CCBE1: variants seen among roughly 807,000 people sequenced by gnomAD.
The protein encoded by CCBE1 is collagen and calcium binding EGF domains 1.
A neutral mutation model predicts 50.0 loss-of-function variants in CCBE1; 37 were observed. The ratio of observed to expected loss-of-function variants is 0.74; its 90% CI spans 0.57 to 0.97. CCBE1 has a LOEUF of 0.97. Among genes scored for constraint, CCBE1 ranks in the 50% least tolerant of loss-of-function variants. The pLI, the probability that CCBE1 is intolerant of heterozygous loss-of-function variation, is 0.00. For missense variants in CCBE1, 538 were observed against 523.8 expected, an observed-to-expected ratio of 1.03 and a Z score of -0.26; for synonymous variants, 234 against 203.7, an observed-to-expected ratio of 1.15 and a Z score of -1.27.
intron 2 of CCBE1, among the ~76,000 whole-genome samples, chr18:59,507,910 G>C (rs1479401617): frequency 1.1e-5 from 1 of 92,580 alleles, no homozygotes; most frequent in Non-Finnish European, 2.3e-5. Flanking sequence ...TTTTTTTTTT[G>C]AGATGGCATC....
intron 2 of CCBE1, among the ~76,000 whole-genome samples, chr18:59,653,557 G>A (rs2054152686): frequency 6.6e-6 from 1 of 152,146 alleles, no homozygotes; most frequent in Non-Finnish European, 1.5e-5. Flanking sequence ...AACCCTATGA[G>A]ATTAGTGCCA....
At chr18:59,450,435 C>T (rs1012017077) in intron 6 of CCBE1, among the ~76,000 whole-genome samples, 10 of 152,140 alleles carry the variant, frequency 6.6e-5, no homozygotes, top group African/African-American at 2.2e-4. Flanking sequence ...TACCGAGAGT[C>T]ACACAGCCAG....
intron 2 of CCBE1, among the ~76,000 whole-genome samples, chr18:59,593,163 T>C (rs1317684459): frequency 6.6e-6 from 1 of 152,200 alleles, no homozygotes; most frequent in African/African-American, 2.4e-5. Flanking sequence ...ATGTGACTTA[T>C]ACTAAGTGGC....
intron 2 of CCBE1, among the ~76,000 whole-genome samples, chr18:59,578,976 A>AG (rs1218497785): frequency 1.3e-5 from 2 of 152,224 alleles, no homozygotes; most frequent in Non-Finnish European, 2.9e-5. Context: ...ACTTTTTATC[A>AG]GAAAAAAAAT....
intron 2 of CCBE1, among the ~76,000 whole-genome samples, chr18:59,510,713 C>A (rs1485719332): frequency 6.6e-6 from 1 of 152,242 alleles, no homozygotes; most frequent in Non-Finnish European, 1.5e-5. Flanking sequence ...GGAGCCACCA[C>A]ACCCGGCCAG....
chr18:59,668,446 G>A (rs548175819), intron 2 of CCBE1, among the ~76,000 whole-genome samples: 1 of 140,290 alleles, frequency 7.1e-6, no homozygotes, highest in Admixed American at 6.9e-5. Flanking sequence ...TAATAATTAG[G>A]TGTTACATAT....
chr18:59,511,868 G>A (rs1448411974), intron 2 of CCBE1, among the ~76,000 whole-genome samples: 1 of 152,192 alleles, frequency 6.6e-6, no homozygotes, highest in Non-Finnish European at 1.5e-5. Flanking sequence ...ATCAAAAAGA[G>A]GCAAAATGGA....
chr18:59,591,230 A>G, intron 2 of CCBE1, among the ~76,000 whole-genome samples: 1 of 130,684 alleles, frequency 7.7e-6, no homozygotes, highest in South Asian at 3.0e-4. Context: ...TGGGCCACAG[A>G]GCGAGACTCC....
chr18:59,461,777 A>T (rs1471874093), intron 5 of CCBE1, among the ~76,000 whole-genome samples: 1 of 119,452 alleles, frequency 8.4e-6, no homozygotes, highest in Non-Finnish European at 1.6e-5. Context: ...CTTGTTGCCC[A>T]AGCCAAGTGC....
At chr18:59,648,314 T>G (rs185213373) in intron 2 of CCBE1, among the ~76,000 whole-genome samples, 8 of 152,310 alleles carry the variant, frequency 5.3e-5, no homozygotes, top group Non-Finnish European at 7.4e-5. Context: ...AAGACCTGGA[T>G]ACATAAATGC....
intron 2 of CCBE1, among the ~76,000 whole-genome samples, chr18:59,694,598 G>T (rs2054780577): frequency 7.7e-6 from 1 of 129,656 alleles, no homozygotes; most frequent in Non-Finnish European, 1.8e-5. Flanking sequence ...AGAGGCCCAG[G>T]ATTCCAACAA....
At chr18:59,642,609 A>G (rs2054003913) in intron 2 of CCBE1, among the ~76,000 whole-genome samples, 1 of 152,216 alleles carries the variant, frequency 6.6e-6, no homozygotes, top group Admixed American at 6.5e-5. Flanking sequence ...GCAATGGAAT[A>G]CTGGGCTGCA....
rs541956207 is a variant in CCBE1 at position 59,566,894 on chromosome 18, C to T, written c.213-86656G>A. On this transcript the variant is annotated intron_variant, in intron 2 of 10. Coordinates refer to ENST00000439986, the MANE Select transcript of CCBE1 (RefSeq NM_133459.4). ...AGCCTCAGAAGACATTGTGAGAGAA[C>T]GATGATGAAAGTCGGGGTGAAATGA... Among the ~76,000 whole-genome samples the T allele has an allele frequency of 1.6e-4, 25 of 151,978 alleles. No homozygotes were observed. The South Asian group carries it at 1.7e-3, about 10-fold the overall frequency.
chr18:59,579,781 G>A (rs545111198), intron 2 of CCBE1, among the ~76,000 whole-genome samples: 1 of 152,232 alleles, frequency 6.6e-6, no homozygotes, highest in African/African-American at 2.4e-5. Context: ...TCAATTCCTT[G>A]TCTCAGGATT....
At chr18:59,607,886 C>A (rs2053520708) in intron 2 of CCBE1, among the ~76,000 whole-genome samples, 1 of 152,214 alleles carries the variant, frequency 6.6e-6, no homozygotes, top group Admixed American at 6.5e-5. Flanking sequence ...GAGGTCAAGA[C>A]CAGCCTGACT....
chr18:59,494,826 C>A (rs1375953470), intron 2 of CCBE1, among the ~76,000 whole-genome samples: 1 of 152,164 alleles, frequency 6.6e-6, no homozygotes, highest in Non-Finnish European at 1.5e-5. Context: ...CGACGACCTG[C>A]AGCATGGCAG....
At chr18:59,494,856 A>G (rs1913273406) in intron 2 of CCBE1, among the ~76,000 whole-genome samples, 1 of 152,148 alleles carries the variant, frequency 6.6e-6, no homozygotes, top group Admixed American at 6.5e-5. Flanking sequence ...ACAATGGATA[A>G]ATGCACCCAG....
intron 2 of CCBE1, among the ~76,000 whole-genome samples, chr18:59,644,258 T>C (rs2054027205): frequency 6.6e-6 from 1 of 152,170 alleles, no homozygotes; most frequent in Non-Finnish European, 1.5e-5. Flanking sequence ...GCTCAGGCAA[T>C]AATGCTCCCT....
intron 5 of CCBE1, 121 bp downstream of exon 5, chr18:59,466,614 CATAA>C: frequency 2.3e-6 from 1 of 439,684 alleles, no homozygotes; most frequent in Non-Finnish European, 3.4e-6. Flanking sequence ...AGCATAATTA[CATAA>C]ATATATTTAT....
Sources: gnomAD v4.1 joint callset for allele counts (sites outside exome capture counted in the v4.1 genomes callset) on GRCh38, gnomAD v4.1.1 for gene constraint, MANE v1.5 for transcripts, NCBI Gene and HGNC (gene_info 2026-07-23, HGNC 2026-07-21) for gene names.